TRPM3: variants seen among roughly 807,000 people sequenced by gnomAD.
TRPM3 encodes the protein transient receptor potential cation channel subfamily M member 3.
Under a neutral mutation model 181.2 loss-of-function variants are expected in TRPM3, and 77 were observed. The ratio of observed to expected loss-of-function variants is 0.42; its 90% CI spans 0.35 to 0.51. TRPM3 has a LOEUF of 0.51. TRPM3 is among the 20% of genes least tolerant of loss of function. TRPM3 has a pLI of 0.01. For synonymous variants in TRPM3, 745 were observed against 796.4 expected, an observed-to-expected ratio of 0.94 and a Z score of 1.09; for missense variants, 1,759 against 2,196.7, an observed-to-expected ratio of 0.80 and a Z score of 3.98.
chr9:70,863,419 C>T (rs2095569239), intron 2 of TRPM3, among the ~76,000 whole-genome samples: 1 of 152,132 alleles, frequency 6.6e-6, no homozygotes. Flanking sequence ...GCAAACAAAA[C>T]TTCTCTGGAT....
chr9:70,561,022 A>T (rs1564330341), intron 22 of TRPM3, among the ~76,000 whole-genome samples: 1 of 152,240 alleles, frequency 6.6e-6, no homozygotes, highest in Non-Finnish European at 1.5e-5. Context: ...CATCCTTAAA[A>T]ATATGGCAAA....
intron 1 of TRPM3, among the ~76,000 whole-genome samples, chr9:71,247,320 C>G (rs2082086222): frequency 7.2e-6 from 1 of 139,044 alleles, no homozygotes; most frequent in Non-Finnish European, 1.5e-5. Flanking sequence ...TGCCTCTGCA[C>G]TCCAGCCTGG....
chr9:70,576,793 G>A (rs560546760), intron 22 of TRPM3, among the ~76,000 whole-genome samples: 201 of 152,180 alleles, frequency 1.3e-3, no homozygotes, highest in African/African-American at 4.3e-3. Context: ...GATTACAGGC[G>A]TGAGCCACCA....
intron 1 of TRPM3, among the ~76,000 whole-genome samples, chr9:71,188,003 A>C (rs1265573759): frequency 6.6e-6 from 1 of 151,912 alleles, no homozygotes. Flanking sequence ...TAACTATATC[A>C]TAATTTATCA....
intron 1 of TRPM3, among the ~76,000 whole-genome samples, chr9:71,381,950 C>T (rs142793641): frequency 1.2e-4 from 19 of 152,246 alleles, no homozygotes; most frequent in East Asian, 3.9e-4. Context: ...ACTTCCCACA[C>T]GGTGCTATCA....
At chr9:71,217,339 C>A (rs1340601303) in intron 1 of TRPM3, among the ~76,000 whole-genome samples, 1 of 152,166 alleles carries the variant, frequency 6.6e-6, no homozygotes, top group Non-Finnish European at 1.5e-5. Context: ...ACATGCCATG[C>A]AACAGTCAGC....
In TRPM3 at chr9:70,597,145, C is replaced by T. The variant is rs538521063; in HGVS notation, c.3048+1274G>A. On this transcript the variant is annotated intron_variant, in intron 21 of 25. Coordinates refer to ENST00000677713, the MANE Select transcript of TRPM3 (RefSeq NM_001366145.2). The stretch of plus-strand genomic sequence containing the variant: ...ATAGGGTTTCTCCATGTTGGTCAGG[C>T]TGGTCTCGAACTCCCGACCTCAGGT... 3.3e-5 allele frequency among the ~76,000 whole-genome samples: 5 copies of T among 152,224 alleles called. No individual in the cohort carries two copies. In the South Asian group the frequency reaches 8.3e-4, roughly 25 times the overall value.
chr9:71,177,423 G>C (rs2077163447), intron 1 of TRPM3, among the ~76,000 whole-genome samples: 1 of 152,040 alleles, frequency 6.6e-6, no homozygotes, highest in Non-Finnish European at 1.5e-5. Context: ...AAAAAGGTTG[G>C]GGACCTCTGG....
At chr9:71,214,445 C>A (rs764447649) in intron 1 of TRPM3, among the ~76,000 whole-genome samples, 1 of 152,108 alleles carries the variant, frequency 6.6e-6, no homozygotes, top group African/African-American at 2.4e-5. Flanking sequence ...GACTTGCATT[C>A]AAATATTTAC....
Position 70,804,147 on chromosome 9 carries a change from A to G in TRPM3, c.974-19868T>C, listed in dbSNP as rs563810804. 1.3e-3 allele frequency among the ~76,000 whole-genome samples: 193 copies of G among 152,108 alleles called. 1 individual carries two copies. Among genetic ancestry groups the G allele is most frequent in the African/African-American group, 4.6e-3 (190 of 41,512 alleles). ...CCAGTTCGAGATCAGCCTGACCAACATGGCAAAACCCTAGTTCTACAAAGA... is the reference window on the plus strand; with the variant it reads ...CCAGTTCGAGATCAGCCTGACCAACGTGGCAAAACCCTAGTTCTACAAAGA... On this transcript the variant is annotated intron_variant, in intron 6 of 25. Coordinates refer to ENST00000677713, the MANE Select transcript of TRPM3 (RefSeq NM_001366145.2).
At chr9:70,740,415 C>T (rs2134798641) in intron 8 of TRPM3, among the ~76,000 whole-genome samples, 1 of 152,034 alleles carries the variant, frequency 6.6e-6, no homozygotes, top group Non-Finnish European at 1.5e-5. Flanking sequence ...CTAAAGCAGC[C>T]TAAAAATTCA....
At chr9:70,924,546 T>C (rs1017241944) in intron 1 of TRPM3, among the ~76,000 whole-genome samples, 1 of 152,192 alleles carries the variant, frequency 6.6e-6, no homozygotes, top group Admixed American at 6.6e-5. Flanking sequence ...TGATTTTCTT[T>C]GGATGGATTC....
chr9:70,999,553 C>A (rs933488926), intron 1 of TRPM3, among the ~76,000 whole-genome samples: 3 of 152,180 alleles, frequency 2.0e-5, no homozygotes, highest in African/African-American at 7.2e-5. Flanking sequence ...AGACTGGAAA[C>A]TCCAGTGTAT....
intron 1 of TRPM3, among the ~76,000 whole-genome samples, chr9:70,949,805 C>G (rs938759480): frequency 2.6e-5 from 4 of 152,146 alleles, no homozygotes; most frequent in Non-Finnish European, 4.4e-5. Flanking sequence ...TTAGTACAAA[C>G]TTGGTGAAGG....
At chr9:71,228,186 C>T (rs2080816151) in intron 1 of TRPM3, among the ~76,000 whole-genome samples, 1 of 152,126 alleles carries the variant, frequency 6.6e-6, no homozygotes, top group African/African-American at 2.4e-5. Flanking sequence ...AACATATGCA[C>T]ATCAATCAAT....
At chr9:70,557,073 G>A (rs4364688) in intron 22 of TRPM3, among the ~76,000 whole-genome samples, 35,479 of 152,210 alleles carry the variant, frequency 0.23, 4,832 homozygotes, top group Admixed American at 0.31. Flanking sequence ...ATAATATGCT[G>A]AATACAGGGT....
chr9:70,842,941 T>G, intron 5 of TRPM3, 62 bp downstream of exon 5: 1 of 1,555,876 alleles, frequency 6.4e-7, no homozygotes, highest in South Asian at 1.2e-5. Flanking sequence ...ACTAATTTTA[T>G]TATACTTTTC....
At chr9:70,594,907 G>A (rs1281848965) in intron 21 of TRPM3, among the ~76,000 whole-genome samples, 2 of 152,088 alleles carry the variant, frequency 1.3e-5, no homozygotes, top group African/African-American at 4.8e-5. Context: ...AATTCTATAG[G>A]CATATTTTAT....
At chr9:70,804,564 T>C (rs1411196744) in intron 6 of TRPM3, among the ~76,000 whole-genome samples, 1 of 152,202 alleles carries the variant, frequency 6.6e-6, no homozygotes, top group Non-Finnish European at 1.5e-5. Flanking sequence ...TCCCCTTCAG[T>C]GCTCTCTCCC....
Sources: allele counts gnomAD v4.1 joint callset (sites outside exome capture counted in the v4.1 genomes callset), GRCh38; gene constraint gnomAD v4.1.1; transcripts MANE v1.5; gene names NCBI Gene and HGNC (gene_info 2026-07-23, HGNC 2026-07-21).